Variants in WSCD2 observed in about 807,000 individuals in gnomAD.
The protein encoded by WSCD2 is WSC domain sialate O sulfotransferase 2.
Under a neutral mutation model 55.7 loss-of-function variants are expected in WSCD2, and 28 were observed. The observed-to-expected ratio is 0.50, with a 90% CI of 0.37 to 0.69. The LOEUF (loss-of-function observed/expected upper bound fraction) is 0.69. Among genes scored for constraint, WSCD2 ranks in the 30% least tolerant of loss-of-function variants. The probability of loss-of-function intolerance (pLI) is 0.00; values close to 1 mark genes in which losing one functional copy is unlikely to be tolerated. For synonymous variants in WSCD2, 301 were observed against 301.9 expected, an observed-to-expected ratio of 1.00 and a Z score of 0.03; for missense variants, 616 against 762.1, an observed-to-expected ratio of 0.81 and a Z score of 2.26.
At position 108,240,902 on chromosome 12, in the gene WSCD2, A is replaced by G. The variant is rs865991734; in HGVS notation, c.1345+358A>G. ...TGAACTTACATGGCCCCATCTATAA[A>G]GTGAAGATTATAAAACTGTGAGGCT... On this transcript the variant is annotated intron_variant, in intron 8 of 8. Coordinates refer to ENST00000547525, the MANE Select transcript of WSCD2 (RefSeq NM_014653.4). Among the ~76,000 whole-genome samples the G allele has an allele frequency of 2.0e-5, 3 of 152,196 alleles. No individual in the cohort carries two copies. In the South Asian group the frequency reaches 6.2e-4, roughly 32 times the overall value.
chr12:108,212,059 C>T (rs1438723244), intron 4 of WSCD2, among the ~76,000 whole-genome samples: 1 of 152,162 alleles, frequency 6.6e-6, no homozygotes, highest in Non-Finnish European at 1.5e-5. Flanking sequence ...TCCAAATTAA[C>T]TGCAACTTCC....
chr12:108,178,162 A>G (rs1881147941), intron 1 of WSCD2, among the ~76,000 whole-genome samples: 1 of 152,084 alleles, frequency 6.6e-6, no homozygotes, highest in Non-Finnish European at 1.5e-5. Flanking sequence ...GGTTCCTCCG[A>G]GGTGTGTGTG....
At chr12:108,177,943 C>T (rs773902153) in intron 1 of WSCD2, among the ~76,000 whole-genome samples, 3 of 151,484 alleles carry the variant, frequency 2.0e-5, no homozygotes, top group African/African-American at 2.4e-5. Context: ...GAAATTCCTG[C>T]GCACTTGTTT....
chr12:108,145,497 T>C (rs1254884513), intron 1 of WSCD2, among the ~76,000 whole-genome samples: 4 of 152,186 alleles, frequency 2.6e-5, no homozygotes. Context: ...GTGGAGTTAA[T>C]AGACGGAGTT....
At chr12:108,241,872 T>C (rs1283316308) in intron 8 of WSCD2, among the ~76,000 whole-genome samples, 1 of 152,210 alleles carries the variant, frequency 6.6e-6, no homozygotes, top group Non-Finnish European at 1.5e-5. Flanking sequence ...GTATATTAAT[T>C]AGATCTTAAT....
chr12:108,246,619 C>A (rs960181158), intron 8 of WSCD2, among the ~76,000 whole-genome samples: 1 of 152,234 alleles, frequency 6.6e-6, no homozygotes, highest in Admixed American at 6.5e-5. Context: ...TCTCTATAAC[C>A]TGTCTTTCAA....
At chr12:108,207,278 G>A (rs996310871) in intron 3 of WSCD2, among the ~76,000 whole-genome samples, 13 of 152,134 alleles carry the variant, frequency 8.5e-5, no homozygotes, top group African/African-American at 2.4e-4. Context: ...TGTCTCTGAC[G>A]GTCACAAGCT....
At chr12:108,130,329 T>C (rs41314129) in intron 1 of WSCD2, among the ~76,000 whole-genome samples, 1 of 152,032 alleles carries the variant, frequency 6.6e-6, no homozygotes, top group East Asian at 1.9e-4. Context: ...GAGCTAGTCA[T>C]ATTTCCAAGT....
chr12:108,181,060 C>G (rs571879805), intron 1 of WSCD2, among the ~76,000 whole-genome samples: 136 of 152,356 alleles, frequency 8.9e-4, no homozygotes, highest in African/African-American at 3.1e-3. Flanking sequence ...TTGACCTCTT[C>G]ATGGAACTAG....
intron 1 of WSCD2, among the ~76,000 whole-genome samples, chr12:108,155,666 A>C (rs1878436989): frequency 6.6e-6 from 1 of 152,150 alleles, no homozygotes; most frequent in Non-Finnish European, 1.5e-5. Context: ...CACTTCTCTG[A>C]GCCTCATTGT....
chr12:108,205,587 A>G (rs1885265689), intron 2 of WSCD2, among the ~76,000 whole-genome samples: 1 of 152,234 alleles, frequency 6.6e-6, no homozygotes, highest in South Asian at 2.1e-4. Context: ...GAATGGAAAC[A>G]TTCACCTTGA....
At chr12:108,234,004 A>G (rs1052407580) in intron 7 of WSCD2, among the ~76,000 whole-genome samples, 12 of 152,204 alleles carry the variant, frequency 7.9e-5, no homozygotes, top group Non-Finnish European at 1.5e-4. Flanking sequence ...AATTAGAGAT[A>G]AGAGTACGTA....
chr12:108,187,818 G>A (rs1287245368), intron 1 of WSCD2, among the ~76,000 whole-genome samples: 2 of 152,170 alleles, frequency 1.3e-5, no homozygotes, highest in Non-Finnish European at 2.9e-5. Flanking sequence ...AGATCACACA[G>A]CCACCACCGC....
chr12:108,139,300 T>C (rs1237459457), intron 1 of WSCD2, among the ~76,000 whole-genome samples: 1 of 152,220 alleles, frequency 6.6e-6, no homozygotes, highest in Non-Finnish European at 1.5e-5. Context: ...AATTTATGGC[T>C]GAATGACTTG....
intron 1 of WSCD2, among the ~76,000 whole-genome samples, chr12:108,146,428 C>T (rs1877399977): frequency 6.6e-6 from 1 of 152,230 alleles, no homozygotes; most frequent in Non-Finnish European, 1.5e-5. Flanking sequence ...GGCCACCTGC[C>T]TGGAGGATAC....
intron 4 of WSCD2, among the ~76,000 whole-genome samples, chr12:108,213,955 A>G (rs12228045): frequency 0.15 from 22,080 of 152,132 alleles, 1,706 homozygotes; most frequent in Middle Eastern, 0.17. Flanking sequence ...GACTCTAGGC[A>G]ATGTGAAATC....
At chr12:108,141,843 GTAAAGTGGAGTTGAATGATTCCATTA>G (rs1876851467) in intron 1 of WSCD2, among the ~76,000 whole-genome samples, 2 of 152,170 alleles carry the variant, frequency 1.3e-5, no homozygotes, top group Non-Finnish European at 2.9e-5. Flanking sequence ...AAGAGTTTAA[GTAAAGTGGAGTTGAATGATTCCATTA>G]AACCCTGGCC....
chr12:108,232,928 G>C (rs375025598), intron 7 of WSCD2, 33 bp downstream of exon 7: 11 of 1,600,236 alleles, frequency 6.9e-6, no homozygotes, highest in Non-Finnish European at 9.4e-6. Flanking sequence ...AGGGCAAGAG[G>C]TTCCCTGGGC....
intron 1 of WSCD2, among the ~76,000 whole-genome samples, chr12:108,191,161 T>C (rs1273778793): frequency 6.6e-6 from 1 of 152,238 alleles, no homozygotes; most frequent in Non-Finnish European, 1.5e-5. Context: ...ATCTGTGGAT[T>C]GTGAAGAAAC....
Sources: gnomAD v4.1 joint callset for allele counts (sites outside exome capture counted in the v4.1 genomes callset) on GRCh38, gnomAD v4.1.1 for gene constraint, MANE v1.5 for transcripts, NCBI Gene and HGNC (gene_info 2026-07-23, HGNC 2026-07-21) for gene names.